ENPEP: variants seen among roughly 807,000 people sequenced by gnomAD.
ENPEP encodes the protein glutamyl aminopeptidase.
Under a neutral mutation model 114.5 loss-of-function variants are expected in ENPEP, and 103 were observed. The ratio of observed to expected loss-of-function variants is 0.90; its 90% CI spans 0.77 to 1.06. ENPEP has a LOEUF of 1.06. Among genes scored for constraint, ENPEP ranks in the 50% least tolerant of loss-of-function variants. ENPEP has a pLI of 0.00. For synonymous variants in ENPEP, 420 were observed against 422.0 expected (o/e 1.00, Z 0.06); for missense variants, 1,196 against 1,161.3 (o/e 1.03, Z -0.43).
At position 110,561,704 on chromosome 4, in the gene ENPEP, CT is replaced by C. The variant is rs1354883324; in HGVS notation, c.*149del. 2.5e-5 allele frequency: 18 copies of C among 725,074 alleles called. No homozygotes were observed. The highest frequency in any genetic ancestry group is 6.4e-5 in the Admixed American group (2 of 31,314). 44.9% of individuals were successfully genotyped at this position (725,074 alleles called of 1,614,324 possible). A position where few individuals can be genotyped will look rare whatever the true frequency, so the allele number is the denominator to read the frequency against. The stretch of plus-strand genomic sequence containing the variant: ...ACTGTGTTTATATGTCTTGCAAAGC[CT>C]TTAAATTGTTCCTCTTTGTTTATGA... On this transcript the variant is annotated 3_prime_UTR_variant, in exon 20 of 20. Transcript: ENST00000265162.
At chr4:110,498,759 G>A (rs894724091) in intron 3 of ENPEP, among the ~76,000 whole-genome samples, 1 of 152,090 alleles carries the variant, frequency 6.6e-6, no homozygotes, top group Non-Finnish European at 1.5e-5. Flanking sequence ...CTGTTCCATG[G>A]TCTTTCCAAG....
rs896123016 is a variant in ENPEP at position 110,555,144 on chromosome 4, G to T, written c.2642+1689G>T. On this transcript the variant is annotated intron_variant, in intron 18 of 19. Coordinates refer to ENST00000265162, the MANE Select transcript of ENPEP (RefSeq NM_001977.4). ...TTTCCAGAAGTACTCCAAAACTCTT[G>T]CCCAAGGCTTTAGCATTTCTTCATA... Among the ~76,000 whole-genome samples, 4 of 152,040 alleles carry T rather than the reference G, an allele frequency of 2.6e-5. No individual in the cohort carries two copies. The East Asian group carries it at 7.7e-4, about 29-fold the overall frequency.
At chr4:110,537,324 A>G (rs2110381392) in intron 11 of ENPEP, among the ~76,000 whole-genome samples, 1 of 152,324 alleles carries the variant, frequency 6.6e-6, no homozygotes. Context: ...AATTAAGTTT[A>G]TGGAATATTT....
At chr4:110,483,412 T>G (rs1469345191) in intron 1 of ENPEP, among the ~76,000 whole-genome samples, 1 of 152,080 alleles carries the variant, frequency 6.6e-6, no homozygotes, top group African/African-American at 2.4e-5. Flanking sequence ...AGCCAGAGAG[T>G]CTTCACTGGA....
At chr4:110,549,306 A>C (rs749794734) in intron 14 of ENPEP, 40 bp from the exon 15 acceptor site, 1 of 1,492,532 alleles carries the variant, frequency 6.7e-7, no homozygotes, top group South Asian at 1.1e-5. Flanking sequence ...ACTGATATGT[A>C]GTAAATTGTT....
At chr4:110,478,410 T>G (rs1724192220) in intron 1 of ENPEP, among the ~76,000 whole-genome samples, 1 of 137,328 alleles carries the variant, frequency 7.3e-6, no homozygotes, top group Non-Finnish European at 1.5e-5. Context: ...GCATAAAAAT[T>G]ATCAAAAAGG....
rs560536621 is a variant in ENPEP at position 110,544,895 on chromosome 4, G to A, written c.2000+1825G>A. ...ATAAAATTGTGAAGAGCTGTGGAGA[G>A]GAAGAAAATGAAACAAATTTGAAAT... On this transcript the variant is annotated intron_variant, in intron 13 of 19. Transcript: ENST00000265162. Among the ~76,000 whole-genome samples, 573 of 152,196 alleles carry A rather than the reference G, an allele frequency of 3.8e-3. 6 individuals carry two copies. Among genetic ancestry groups the A allele is most frequent in the African/African-American group, 0.013 (554 of 41,544 alleles).
At chr4:110,550,296 C>T (rs1277955099) in intron 17 of ENPEP, among the ~76,000 whole-genome samples, 1 of 152,088 alleles carries the variant, frequency 6.6e-6, no homozygotes, top group Non-Finnish European at 1.5e-5. Context: ...GCCAACAGGA[C>T]AATTGTCTCC....
intron 3 of ENPEP, among the ~76,000 whole-genome samples, chr4:110,504,700 T>G (rs1180059571): frequency 6.6e-6 from 1 of 152,212 alleles, no homozygotes; most frequent in Non-Finnish European, 1.5e-5. Flanking sequence ...ACATCAATCT[T>G]CTTTAAACAC....
At chr4:110,507,074 G>A (rs568964294) in intron 4 of ENPEP, among the ~76,000 whole-genome samples, 3 of 152,282 alleles carry the variant, frequency 2.0e-5, no homozygotes, top group African/African-American at 2.4e-5. Context: ...AAATAGCAAC[G>A]TAGATCAGTT....
intron 1 of ENPEP, 113 bp downstream of exon 1, chr4:110,477,171 G>A (rs1724146018): frequency 2.9e-6 from 4 of 1,376,210 alleles, no homozygotes; most frequent in African/African-American, 1.5e-5. Context: ...GATATTGATC[G>A]GCTCTTGGTT....
At chr4:110,544,033 G>A (rs932454368) in intron 13 of ENPEP, among the ~76,000 whole-genome samples, 3 of 152,166 alleles carry the variant, frequency 2.0e-5, no homozygotes, top group Admixed American at 6.6e-5. Flanking sequence ...GAATAGTATA[G>A]TAGTACTAAA....
intron 6 of ENPEP, among the ~76,000 whole-genome samples, chr4:110,511,328 A>G (rs1416574798): frequency 6.6e-6 from 1 of 151,892 alleles, no homozygotes; most frequent in Admixed American, 6.6e-5. Flanking sequence ...TTTGTGCGGG[A>G]CTTTCCTGTG....
intron 4 of ENPEP, among the ~76,000 whole-genome samples, chr4:110,508,674 G>T (rs1043201255): frequency 3.3e-5 from 5 of 152,142 alleles, no homozygotes; most frequent in Non-Finnish European, 7.4e-5. Flanking sequence ...AGCCAGGCGC[G>T]GTGGCGGGCG....
intron 17 of ENPEP, among the ~76,000 whole-genome samples, chr4:110,550,637 C>A (rs1257922813): frequency 6.6e-6 from 1 of 152,048 alleles, no homozygotes; most frequent in African/African-American, 2.4e-5. Flanking sequence ...TTCCTTAATT[C>A]ATTTTTTGCT....
intron 17 of ENPEP, among the ~76,000 whole-genome samples, chr4:110,552,056 T>G (rs1023187750): frequency 6.6e-6 from 1 of 152,208 alleles, no homozygotes; most frequent in Admixed American, 6.5e-5. Flanking sequence ...TATGGTATTT[T>G]TGTTTTCCCA....
chr4:110,513,940 T>G (rs998027057), intron 7 of ENPEP, among the ~76,000 whole-genome samples: 1 of 152,164 alleles, frequency 6.6e-6, no homozygotes, highest in African/African-American at 2.4e-5. Flanking sequence ...TAGAACATTT[T>G]AATGCCTGCA....
rs907712480 is a variant in ENPEP at position 110,531,218 on chromosome 4, T to G, written c.1748T>G (p.Val583Gly). Residue 583 changes from valine to glycine, a missense_variant, in exon 11 of 20, where the codon GTT (valine) becomes GGT (glycine). Val to Gly is a moderately radical substitution (Grantham distance 109, BLOSUM62 -3). Coordinates refer to ENST00000265162, the MANE Select transcript of ENPEP (RefSeq NM_001977.4). The part of the protein sequence containing the change: ...SDLGYTWNIP[V>G]KWTEDNITSS... ...TTTAGTTATACATGGAATATCCCAGTTAAATGGACTGAAGATAATATAACA... is the reference window on the plus strand; with the variant it reads ...TTTAGTTATACATGGAATATCCCAGGTAAATGGACTGAAGATAATATAACA... The G allele has an allele frequency of 6.8e-7, 1 of 1,469,852 alleles. No homozygotes were observed. The highest frequency in any genetic ancestry group is 9.1e-7 in the Non-Finnish European group (1 of 1,094,710). 91.1% of individuals were successfully genotyped at this position (1,469,852 alleles called of 1,614,324 possible).
At chr4:110,517,825 T>A (rs1402831410) in intron 8 of ENPEP, among the ~76,000 whole-genome samples, 1 of 152,200 alleles carries the variant, frequency 6.6e-6, no homozygotes, top group East Asian at 1.9e-4. Context: ...CACTAGCTAA[T>A]ATCTGAAAAT....
Sources: allele counts gnomAD v4.1 joint callset (sites outside exome capture counted in the v4.1 genomes callset), GRCh38; gene constraint gnomAD v4.1.1; transcripts MANE v1.5; gene names NCBI Gene and HGNC (gene_info 2026-07-23, HGNC 2026-07-21).